SMOC2: variants seen among roughly 807,000 people sequenced by gnomAD.
SMOC2 encodes SPARC-related modular calcium-binding protein 2.
A neutral mutation model predicts 61.4 loss-of-function variants in SMOC2; 39 were observed. That is an observed-to-expected ratio of 0.64 (90% CI 0.49 to 0.83). The LOEUF is 0.83. Among genes scored for constraint, SMOC2 ranks in the 40% least tolerant of loss-of-function variants. The pLI is 0.00. For synonymous variants in SMOC2, 247 were observed against 239.9 expected (o/e 1.03, Z -0.27); for missense variants, 556 against 592.9 (o/e 0.94, Z 0.65).
chr6:168,519,198 TGTGTATGCATGCGTGTGTGA>T (rs1783262441), intron 2 of SMOC2, among the ~76,000 whole-genome samples: 1 of 139,266 alleles, frequency 7.2e-6, no homozygotes, highest in African/African-American at 2.6e-5. Flanking sequence ...TGTGTATGTG[TGTGTATGCATGCGTGTGTGA>T]GAGAGTGTGT....
At chr6:168,605,086 T>G (rs1785653260) in intron 8 of SMOC2, among the ~76,000 whole-genome samples, 1 of 151,954 alleles carries the variant, frequency 6.6e-6, no homozygotes, top group Non-Finnish European at 1.5e-5. Context: ...GAGGAGAGAA[T>G]GGGAAGGGGC....
chr6:168,547,225 A>G (rs987631225), intron 6 of SMOC2, 56 bp downstream of exon 6: 102 of 1,505,960 alleles, frequency 6.8e-5, no homozygotes, highest in Admixed American at 3.5e-4. Flanking sequence ...GAGGGACGGT[A>G]TGGAGCTGGG....
At chr6:168,447,882 G>T (rs373822046) in intron 1 of SMOC2, among the ~76,000 whole-genome samples, 17 of 151,972 alleles carry the variant, frequency 1.1e-4, no homozygotes, top group African/African-American at 3.9e-4. Flanking sequence ...GCCTGCGTCA[G>T]GGTGTTTTGT....
chr6:168,577,390 ACT>A (rs1784829962), intron 7 of SMOC2, among the ~76,000 whole-genome samples: 1 of 151,796 alleles, frequency 6.6e-6, no homozygotes, highest in African/African-American at 2.4e-5. Flanking sequence ...TCTCTGTAAG[ACT>A]CTGCTGGCAC....
intron 2 of SMOC2, among the ~76,000 whole-genome samples, chr6:168,518,413 ATGTG>A (rs1783203980): frequency 6.8e-6 from 1 of 147,392 alleles, no homozygotes; most frequent in Non-Finnish European, 1.5e-5. Flanking sequence ...TTGTGTGTGA[ATGTG>A]TGCATGAGTG....
rs368210259 is a variant in SMOC2, at chr6:168,653,222, C to T, written c.1279C>T (p.Arg427Cys). 7.5e-5 allele frequency: 121 copies of T among 1,612,258 alleles called. No homozygotes were observed. Among genetic ancestry groups the T allele is most frequent in the Admixed American group, 1.7e-4 (10 of 59,734 alleles). Residue 427 changes from arginine (R) to cysteine (C), a missense_variant, in exon 11 of 13, where the codon CGC becomes TGC. By Grantham distance (180) the Arg-to-Cys change is radical (BLOSUM62 -3). Transcript: ENST00000356284. ...KEDGKADTKK[R>C]HTPRGHAEST... ...GGACGGCAAAGCGGACACCAAGAAA[C>T]GCCACAGTAAGAGCTTTCCCACCCC...
chr6:168,512,858 A>C (rs1366929898), intron 2 of SMOC2, among the ~76,000 whole-genome samples: 1 of 152,220 alleles, frequency 6.6e-6, no homozygotes, highest in African/African-American at 2.4e-5. Flanking sequence ...CCTCCAGTGT[A>C]CCCGCACACT....
At chr6:168,499,868 T>C (rs1194042973) in intron 1 of SMOC2, among the ~76,000 whole-genome samples, 1 of 152,182 alleles carries the variant, frequency 6.6e-6, no homozygotes, top group Non-Finnish European at 1.5e-5. Flanking sequence ...TCTGTTTCCA[T>C]GTTCTTCTCC....
At chr6:168,517,310 A>C (rs1010759586) in intron 2 of SMOC2, among the ~76,000 whole-genome samples, 32 of 152,148 alleles carry the variant, frequency 2.1e-4, no homozygotes, top group African/African-American at 6.3e-4. Context: ...CCTGGCTGTG[A>C]GGCCCAGCAG....
At chr6:168,590,549 G>T (rs77447651) in intron 7 of SMOC2, among the ~76,000 whole-genome samples, 32,159 of 151,946 alleles carry the variant, frequency 0.21, 3,780 homozygotes, top group South Asian at 0.28. Context: ...AGCTGAGCAA[G>T]AACTCTCCAA....
chr6:168,616,528 T>C (rs11965680), intron 9 of SMOC2, among the ~76,000 whole-genome samples: 39,184 of 152,154 alleles, frequency 0.26, 5,169 homozygotes, highest in Non-Finnish European at 0.27. Context: ...GTCCCAGATA[T>C]GGCAAGAGAC....
intron 1 of SMOC2, among the ~76,000 whole-genome samples, chr6:168,479,995 G>A (rs1782170938): frequency 6.6e-6 from 1 of 152,108 alleles, no homozygotes; most frequent in Non-Finnish European, 1.5e-5. Flanking sequence ...ACATGCTCAG[G>A]GAAAGGTGCA....
intron 7 of SMOC2, among the ~76,000 whole-genome samples, chr6:168,563,830 C>G (rs577619705): frequency 2.6e-5 from 4 of 152,138 alleles, no homozygotes; most frequent in African/African-American, 9.6e-5. Flanking sequence ...AGCACAGGCC[C>G]GCACCAGGTA....
chr6:168,558,512 C>A (rs1390616300), intron 7 of SMOC2, among the ~76,000 whole-genome samples: 1 of 151,960 alleles, frequency 6.6e-6, no homozygotes, highest in African/African-American at 2.4e-5. Context: ...TGGTTCTCGG[C>A]CCCCCCTGTG....
intron 4 of SMOC2, among the ~76,000 whole-genome samples, chr6:168,538,755 C>A (rs971352836): frequency 1.4e-5 from 2 of 140,630 alleles, no homozygotes; most frequent in Non-Finnish European, 3.1e-5. Context: ...AGTGGGGTGA[C>A]CCCTGCTGGA....
intron 4 of SMOC2, among the ~76,000 whole-genome samples, chr6:168,542,964 T>TA (rs1162193563): frequency 6.6e-6 from 1 of 152,218 alleles, no homozygotes; most frequent in Non-Finnish European, 1.5e-5. Context: ...CTAAACAGAA[T>TA]ATTCAACTGC....
At position 168,608,113 on chromosome 6, in the gene SMOC2, C is replaced by A. The variant is rs1785757795; in HGVS notation, c.825-44C>A. On this transcript the variant is annotated intron_variant, in intron 8 of 12. Transcript: ENST00000356284. ...AGACAAACCACAGCTGGTCTCAAGC[C>A]CGTTGTTTTCTCTCTCCTTCCCCCG... The A allele has an allele frequency of 2.6e-6, 4 of 1,566,286 alleles. No individual in the cohort carries two copies. The East Asian group carries it at 9.1e-5, about 36-fold the overall frequency.
intron 1 of SMOC2, among the ~76,000 whole-genome samples, chr6:168,462,515 G>T (rs1462575133): frequency 6.6e-6 from 1 of 151,948 alleles, no homozygotes; most frequent in Non-Finnish European, 1.5e-5. Context: ...GTGGTCCCCT[G>T]TCCTCCCAGC....
intron 7 of SMOC2, among the ~76,000 whole-genome samples, chr6:168,568,451 C>G (rs368627596): frequency 1.3e-5 from 2 of 152,166 alleles, no homozygotes; most frequent in South Asian, 2.1e-4. Flanking sequence ...AATTGCTGAA[C>G]AAATATTGAT....
Sources: gnomAD v4.1 joint callset for allele counts (sites outside exome capture counted in the v4.1 genomes callset) on GRCh38, gnomAD v4.1.1 for gene constraint, MANE v1.5 for transcripts, NCBI Gene and HGNC (gene_info 2026-07-23, HGNC 2026-07-21) for gene names.